BZW2: variants seen among roughly 807,000 people sequenced by gnomAD.
BZW2 encodes basic leucine zipper and W2 domains 2.
In BZW2, 23 loss-of-function variants were observed where a neutral mutation model predicts 53.2. The ratio of observed to expected loss-of-function variants is 0.43; its 90% CI spans 0.31 to 0.61. The LOEUF (loss-of-function observed/expected upper bound fraction) is 0.61, where lower values mean the gene tolerates loss of function less well. Ranked by LOEUF, BZW2 falls within the 20% of genes least tolerant of loss-of-function variation. The pLI, the probability that BZW2 is intolerant of heterozygous loss-of-function variation, is 0.09. For synonymous variants in BZW2, 227 were observed against 186.4 expected, an observed-to-expected ratio of 1.22 and a Z score of -1.77; for missense variants, 409 against 503.1, an observed-to-expected ratio of 0.81 and a Z score of 1.79.
Position 16,704,532 on chromosome 7 carries a change from G to C in BZW2, c.1109-15G>C. 6.6e-7 allele frequency: 1 copy of C among 1,508,752 alleles called. No individual in the cohort carries two copies. Among genetic ancestry groups the C allele is most frequent in the Non-Finnish European group, 9.0e-7 (1 of 1,109,030 alleles). The allele number at this position is 1,508,752 out of a possible 1,614,324, so 93.5% of individuals were successfully genotyped here. A position where few individuals can be genotyped will look rare whatever the true frequency, so the allele number is the denominator to read the frequency against. On this transcript the variant is annotated splice_polypyrimidine_tract_variant and intron_variant, in intron 10 of 11. Coordinates refer to ENST00000258761, the MANE Select transcript of BZW2 (RefSeq NM_014038.3). ...TTTGTATAGTAACTTTGAAATCTTT[G>C]ATTTAAAATTGCAGCTGATGTTCTG... is the stretch of plus-strand genomic sequence containing the variant.
chr7:16,689,695 CTT>C, intron 6 of BZW2, 100 bp from the exon 7 acceptor site: 1 of 890,704 alleles, frequency 1.1e-6, no homozygotes, highest in Non-Finnish European at 1.6e-6. Context: ...CAAAATTAGT[CTT>C]TTAGTTATTT....
In BZW2 at chr7:16,682,580, C is replaced by A. The variant is rs541938348; in HGVS notation, c.340-200C>A. 3.3e-5 allele frequency among the ~76,000 whole-genome samples: 5 copies of A among 152,054 alleles called. No homozygotes were observed. The South Asian group carries it at 6.2e-4, about 19-fold the overall frequency. On this transcript the variant is annotated intron_variant, in intron 4 of 11. Transcript: ENST00000258761. ...TCTTGAATGAATTTGTTTTATCTTA[C>A]GTGTACATTTTGATCATATTTGTTC...
chr7:16,674,350 A>G, intron 2 of BZW2, 62 bp from the exon 3 acceptor site: 2 of 1,253,092 alleles, frequency 1.6e-6, no homozygotes, highest in Non-Finnish European at 2.1e-6. Context: ...TAAAGTTTTG[A>G]TTGTTATACT....
At chr7:16,683,719 C>T (rs1783027526) in intron 5 of BZW2, among the ~76,000 whole-genome samples, 1 of 152,176 alleles carries the variant, frequency 6.6e-6, no homozygotes, top group African/African-American at 2.4e-5. Context: ...ATATATGGCA[C>T]CCACTACCTT....
Position 16,704,629 on chromosome 7 carries a change from G to C in BZW2, c.1191G>C (p.Gln397His). 1.3e-6 allele frequency: 2 copies of C among 1,592,366 alleles called. No homozygotes were observed. The change falls in exon 11 of 12, where the codon CAG becomes CAC. Residue 397 changes from glutamine (Q) to histidine (H), a missense_variant. Transcript: ENST00000258761. ...VAKGKSVFLDQMKKFVEWLQN... is the reference protein window; with the variant it reads ...VAKGKSVFLDHMKKFVEWLQN... ...AAGGCAAAAGTGTTTTTCTTGACCA[G>C]ATGAAGAAATTTGTTGAGTGGTTAC...
At chr7:16,681,793 C>T (rs547621092) in intron 4 of BZW2, among the ~76,000 whole-genome samples, 1 of 152,298 alleles carries the variant, frequency 6.6e-6, no homozygotes, top group South Asian at 2.1e-4. Flanking sequence ...GATCGTGCCA[C>T]TGCTCAACCT....
chr7:16,692,449 A>G (rs777299736), intron 7 of BZW2, among the ~76,000 whole-genome samples: 1 of 152,098 alleles, frequency 6.6e-6, no homozygotes, highest in Non-Finnish European at 1.5e-5. Context: ...ACCGTAAAAT[A>G]TGTATTATAA....
intron 3 of BZW2, 30 bp downstream of exon 3, chr7:16,674,618 A>T: frequency 6.9e-7 from 1 of 1,451,192 alleles, no homozygotes; most frequent in South Asian, 1.6e-5. Flanking sequence ...TTCTTGTAGT[A>T]TATTTATATA....
Position 16,694,967 on chromosome 7 carries a change from TC to T in BZW2, c.787del (p.Gln263ArgfsTer21). 1 of 1,590,796 alleles carries T rather than the reference TC, an allele frequency of 6.3e-7. No homozygotes were observed. The highest frequency in any genetic ancestry group is 8.6e-7 in the Non-Finnish European group (1 of 1,161,860). On this transcript the variant is annotated frameshift_variant, in exon 8 of 12. Transcript: ENST00000258761. LOFTEE classifies it high-confidence loss of function. Reference protein sequence around the residue: ...LGTRKELQKELQERLSQECPI... With the variant: ...LGTRKELQKEXQERLSQECPI... Reference sequence around the variant, plus strand: ...ACCAGGAAGGAACTGCAGAAGGAGCTCCAGGAGCGTCTTTCTCAGGAATGCC... The same window carrying T: ...ACCAGGAAGGAACTGCAGAAGGAGCTCAGGAGCGTCTTTCTCAGGAATGCC...
At chr7:16,697,967 A>G (rs1783552086) in intron 9 of BZW2, 81 bp from the exon 10 acceptor site, 4 of 1,530,930 alleles carry the variant, frequency 2.6e-6, no homozygotes, top group Admixed American at 3.6e-5. Context: ...GCAACCCTCC[A>G]GGTTACTGTT....
chr7:16,660,030 T>C (rs1782213433), intron 1 of BZW2, among the ~76,000 whole-genome samples: 1 of 151,076 alleles, frequency 6.6e-6, no homozygotes, highest in African/African-American at 2.4e-5. Flanking sequence ...CCCCTTCCTG[T>C]GTCCACGTGT....
intron 1 of BZW2, among the ~76,000 whole-genome samples, chr7:16,665,195 A>G (rs1419553153): frequency 6.6e-6 from 1 of 151,930 alleles, no homozygotes; most frequent in Non-Finnish European, 1.5e-5. Context: ...AGTCCCAGCT[A>G]CTCAGGAGGC....
At chr7:16,683,050 C>T (rs185985834) in intron 5 of BZW2, among the ~76,000 whole-genome samples, 52 of 151,878 alleles carry the variant, frequency 3.4e-4, no homozygotes, top group African/African-American at 1.2e-3. Flanking sequence ...ACAAAAATTA[C>T]CCGGGCATGG....
chr7:16,667,186 G>T (rs1023198504), intron 2 of BZW2, among the ~76,000 whole-genome samples: 3 of 151,662 alleles, frequency 2.0e-5, no homozygotes, highest in African/African-American at 7.3e-5. Flanking sequence ...GGAGGCTGAG[G>T]CAAGGAGAAT....
At chr7:16,652,576 G>T (rs545977706) in intron 1 of BZW2, among the ~76,000 whole-genome samples, 83 of 152,312 alleles carry the variant, frequency 5.4e-4, no homozygotes, top group African/African-American at 1.8e-3. Flanking sequence ...GAGTGCGATG[G>T]TGTGATCTCG....
intron 3 of BZW2, among the ~76,000 whole-genome samples, chr7:16,677,460 C>T (rs1394024167): frequency 6.6e-6 from 1 of 152,170 alleles, no homozygotes; most frequent in African/African-American, 2.4e-5. Context: ...GCTCTAACTT[C>T]TTCCTGCTGA....
intron 10 of BZW2, chr7:16,700,637 T>C (rs1783636448): frequency 6.6e-6 from 1 of 152,232 alleles, no homozygotes; most frequent in Admixed American, 6.5e-5. Context: ...GCTCTGACTG[T>C]TGTACCAGGA....
chr7:16,666,325 C>T (rs1782425203), intron 2 of BZW2, among the ~76,000 whole-genome samples: 1 of 152,098 alleles, frequency 6.6e-6, no homozygotes. Flanking sequence ...AGTCCTCCTC[C>T]CTTGGCCTCC....
intron 1 of BZW2, among the ~76,000 whole-genome samples, chr7:16,657,479 A>G (rs183342429): frequency 1.3e-5 from 2 of 152,094 alleles, no homozygotes; most frequent in East Asian, 1.9e-4. Flanking sequence ...AAGTAGAAAA[A>G]GTTTGTCTGC....
Sources: gnomAD v4.1 joint callset for allele counts (sites outside exome capture counted in the v4.1 genomes callset) on GRCh38, gnomAD v4.1.1 for gene constraint, MANE v1.5 for transcripts, NCBI Gene and HGNC (gene_info 2026-07-23, HGNC 2026-07-21) for gene names.